The following PTPRO variants were observed in gnomAD, a reference collection of about 807,000 sequenced individuals.
The protein encoded by PTPRO is protein tyrosine phosphatase receptor type O.
A neutral mutation model predicts 145.2 loss-of-function variants in PTPRO; 62 were observed. That is an observed-to-expected ratio of 0.43 (90% CI 0.35 to 0.53). The LOEUF is 0.53. Among genes scored for constraint, PTPRO ranks in the 20% least tolerant of loss-of-function variants. The pLI is 0.01. For synonymous variants in PTPRO, 565 were observed against 514.7 expected (o/e 1.10, Z -1.32); for missense variants, 1,345 against 1,482.7 (o/e 0.91, Z 1.53).
chr12:15,431,935 AC>A (rs1940451790), intron 1 of PTPRO, among the ~76,000 whole-genome samples: 1 of 152,060 alleles, frequency 6.6e-6, no homozygotes, highest in East Asian at 1.9e-4. Context: ...TGGCCAATCA[AC>A]CTTTTTTGGA....
At chr12:15,506,073 A>T (rs1312002657) in intron 6 of PTPRO, among the ~76,000 whole-genome samples, 1 of 152,222 alleles carries the variant, frequency 6.6e-6, no homozygotes, top group Non-Finnish European at 1.5e-5. Flanking sequence ...ACCCATTTTC[A>T]TTTAGCCTGC....
chr12:15,388,070 G>A (rs73301699), intron 1 of PTPRO, among the ~76,000 whole-genome samples: 17,597 of 152,040 alleles, frequency 0.12, 2,023 homozygotes, highest in African/African-American at 0.3. Context: ...ACCTCCAGCC[G>A]AGCCAATGCA....
chr12:15,527,964 A>T (rs1404473499), intron 12 of PTPRO, among the ~76,000 whole-genome samples: 1 of 147,736 alleles, frequency 6.8e-6, no homozygotes, highest in East Asian at 2.0e-4. Context: ...CTGAACAAGA[A>T]TTCAAAATAC....
At chr12:15,347,505 T>C (rs1295382512) in intron 1 of PTPRO, among the ~76,000 whole-genome samples, 2 of 152,168 alleles carry the variant, frequency 1.3e-5, no homozygotes, top group Non-Finnish European at 2.9e-5. Flanking sequence ...ACAGATGTAA[T>C]TAATTTTTAG....
At chr12:15,550,784 G>A (rs1034548752) in intron 14 of PTPRO, among the ~76,000 whole-genome samples, 17 of 152,158 alleles carry the variant, frequency 1.1e-4, no homozygotes, top group African/African-American at 3.4e-4. Flanking sequence ...GATGGTATGA[G>A]TCCTCAGGCC....
chr12:15,513,112 G>GAAAGAAGAAAGAAAGA (rs1565675360), intron 7 of PTPRO, among the ~76,000 whole-genome samples: 1 of 8,964 alleles, frequency 1.1e-4, no homozygotes, highest in African/African-American at 2.3e-4. Context: ...AGAAAGAAAG[G>GAAAGAAGAAAGAAAGA]AAGGAAGGAA....
chr12:15,439,831 G>C, intron 1 of PTPRO: 1 of 617,570 alleles, frequency 1.6e-6, no homozygotes, highest in Non-Finnish European at 3.0e-6. Context: ...CCTCTCTCAA[G>C]AACAAGGATT....
intron 1 of PTPRO, chr12:15,439,569 G>T: frequency 3.8e-6 from 1 of 266,486 alleles, no homozygotes; most frequent in South Asian, 4.0e-5. Flanking sequence ...CGGAGGACTC[G>T]GGGGCCCTGG....
At chr12:15,335,382 G>C (rs1866730389) in intron 1 of PTPRO, among the ~76,000 whole-genome samples, 1 of 151,570 alleles carries the variant, frequency 6.6e-6, no homozygotes, top group African/African-American at 2.4e-5. Flanking sequence ...AAGGATTATA[G>C]AAAAAAAAGG....
chr12:15,459,927 G>A (rs1248081480), intron 1 of PTPRO, among the ~76,000 whole-genome samples: 1 of 152,132 alleles, frequency 6.6e-6, no homozygotes, highest in African/African-American at 2.4e-5. Context: ...AGGGTGTCAA[G>A]GAGATGTGTC....
intron 1 of PTPRO, among the ~76,000 whole-genome samples, chr12:15,361,726 AAT>A (rs1458491358): frequency 2.6e-5 from 4 of 152,216 alleles, no homozygotes; most frequent in African/African-American, 9.6e-5. Context: ...ACGTTTGGCA[AAT>A]GTACAAAAAG....
intron 12 of PTPRO, among the ~76,000 whole-genome samples, chr12:15,526,780 A>C (rs1388987339): frequency 6.6e-6 from 1 of 152,142 alleles, no homozygotes; most frequent in Admixed American, 6.5e-5. Context: ...TCTAAAAGAC[A>C]TAATGAAATT....
intron 15 of PTPRO, among the ~76,000 whole-genome samples, chr12:15,555,153 G>A (rs866044155): frequency 1.3e-5 from 2 of 152,082 alleles, no homozygotes; most frequent in Admixed American, 6.5e-5. Context: ...CAGAAGAATC[G>A]CTTGGACTTG....
At chr12:15,527,087 C>G (rs1173581746) in intron 12 of PTPRO, among the ~76,000 whole-genome samples, 3 of 152,062 alleles carry the variant, frequency 2.0e-5, no homozygotes, top group Admixed American at 1.3e-4. Flanking sequence ...TAGAAGCAAG[C>G]TGGCTTCACT....
chr12:15,421,395 G>A (rs1022097837), intron 1 of PTPRO, among the ~76,000 whole-genome samples: 2 of 152,158 alleles, frequency 1.3e-5, no homozygotes, highest in East Asian at 3.8e-4. Flanking sequence ...AAAAAAGAGA[G>A]AAGGGAGAGA....
chr12:15,552,303 A>G (rs1943485527), intron 15 of PTPRO, among the ~76,000 whole-genome samples: 1 of 152,204 alleles, frequency 6.6e-6, no homozygotes, highest in Non-Finnish European at 1.5e-5. Flanking sequence ...GGCCCCCTGT[A>G]TTATCAGAAT....
chr12:15,442,297 T>C (rs1173039575), intron 1 of PTPRO, among the ~76,000 whole-genome samples: 1 of 152,060 alleles, frequency 6.6e-6, no homozygotes, highest in East Asian at 1.9e-4. Flanking sequence ...ATCCAACAAT[T>C]TTTTGTGATA....
At chr12:15,463,859 C>T (rs1941358087) in intron 1 of PTPRO, among the ~76,000 whole-genome samples, 1 of 152,122 alleles carries the variant, frequency 6.6e-6, no homozygotes, top group African/African-American at 2.4e-5. Flanking sequence ...TACTCTGACA[C>T]AGGAGGGGTA....
rs1048725499 is a variant in PTPRO, at chr12:15,596,342, G to T, written c.*269G>T. 1 of 152,632 alleles carries T rather than the reference G, an allele frequency of 6.6e-6. No homozygotes were observed. Among genetic ancestry groups the T allele is most frequent in the Non-Finnish European group, 1.5e-5 (1 of 68,040 alleles). The allele number at this position is 152,632 out of a possible 1,614,324, so 9.5% of individuals were successfully genotyped here. On this transcript the variant is annotated 3_prime_UTR_variant, in exon 27 of 27. Transcript: ENST00000281171. ...GGTCAAGACGCTCTCCAAAGGGCAG[G>T]AAGTACAGCACTTCCGAAGAGTTTA...
Sources: gnomAD v4.1 joint callset for allele counts (sites outside exome capture counted in the v4.1 genomes callset) on GRCh38, gnomAD v4.1.1 for gene constraint, MANE v1.5 for transcripts, NCBI Gene and HGNC (gene_info 2026-07-23, HGNC 2026-07-21) for gene names.